TEX11: variants seen among roughly 807,000 people sequenced by gnomAD.
The protein encoded by TEX11 is testis-expressed protein 11.
Under a neutral mutation model 84.4 loss-of-function variants are expected in TEX11, and 7 were observed. That is an observed-to-expected ratio of 0.08 (90% CI 0.05 to 0.16). TEX11 has a LOEUF of 0.16. TEX11 is among the 10% of genes least tolerant of loss of function. The pLI is 1.00. For synonymous variants in TEX11, 264 were observed against 222.8 expected, an observed-to-expected ratio of 1.18 and a Z score of -1.64; for missense variants, 551 against 660.5, an observed-to-expected ratio of 0.83 and a Z score of 1.82.
chrX:70,521,301 CA>C, the TEX11 span, among the ~76,000 whole-genome samples: 1 of 108,353 alleles, frequency 9.2e-6, no homozygotes. Flanking sequence ...CTTTTTGAAA[CA>C]AAGTCTCACT....
At chrX:70,756,123 C>T (rs60235783) in intron 9 of TEX11, among the ~76,000 whole-genome samples, 3 of 112,111 alleles carry the variant, frequency 2.7e-5, no homozygotes, top group African/African-American at 3.2e-5. Context: ...TCGAACTGGG[C>T]GGAGCCCACT....
intron 13 of TEX11, among the ~76,000 whole-genome samples, chrX:70,683,250 G>T (rs1440354332): frequency 3.6e-5 from 4 of 112,110 alleles, no homozygotes; most frequent in Non-Finnish European, 7.5e-5. Flanking sequence ...ATTTAAAAAT[G>T]TAAACAGTTC....
chrX:70,679,526 G>C (rs1477454370), intron 14 of TEX11, among the ~76,000 whole-genome samples: 2 of 111,306 alleles, frequency 1.8e-5, no homozygotes, highest in Non-Finnish European at 3.8e-5. Flanking sequence ...TCCCATCTGG[G>C]AAGTGAGGAG....
intron 7 of TEX11, among the ~76,000 whole-genome samples, chrX:70,847,957 A>T (rs1445372307): frequency 8.9e-6 from 1 of 111,973 alleles, no homozygotes; most frequent in African/African-American, 3.2e-5. Flanking sequence ...TCAATGGTTC[A>T]AGTCCTTCTC....
intron 13 of TEX11, among the ~76,000 whole-genome samples, chrX:70,695,587 A>G (rs1474907604): frequency 8.9e-6 from 1 of 111,995 alleles, no homozygotes; most frequent in African/African-American, 3.2e-5. Flanking sequence ...CTTATTGTAC[A>G]CTTATTCCAA....
intron 25 of TEX11, among the ~76,000 whole-genome samples, chrX:70,582,997 C>T (rs778860099): frequency 9.0e-6 from 1 of 110,558 alleles, no homozygotes; most frequent in Admixed American, 9.7e-5. Context: ...CCACCCACCT[C>T]GGCCTTCCAA....
At chrX:70,646,522 T>G (rs1331155974) in intron 17 of TEX11, among the ~76,000 whole-genome samples, 1 of 111,775 alleles carries the variant, frequency 8.9e-6, no homozygotes, top group African/African-American at 3.2e-5. Flanking sequence ...ATTCAAACAA[T>G]TCAATAGGAA....
At chrX:70,698,971 T>A (rs2090304131) in intron 13 of TEX11, among the ~76,000 whole-genome samples, 1 of 111,835 alleles carries the variant, frequency 8.9e-6, no homozygotes, top group Non-Finnish European at 1.9e-5. Context: ...TCCCCTTGAA[T>A]CTAGACTGGC....
chrX:70,807,295 T>TAA (rs1199036087), intron 8 of TEX11, among the ~76,000 whole-genome samples: 1 of 111,784 alleles, frequency 8.9e-6, no homozygotes, highest in Non-Finnish European at 1.9e-5. Flanking sequence ...TCTGAAGTTC[T>TAA]AAAATGTGTC....
At chrX:70,715,220 T>G (rs760807531) in intron 13 of TEX11, among the ~76,000 whole-genome samples, 1,046 of 102,747 alleles carry the variant, frequency 0.01, 50 homozygotes, top group African/African-American at 0.038. Context: ...CTGGCTTCAC[T>G]TAACATTTTT....
At chrX:70,839,266 C>A (rs1018598292) in intron 7 of TEX11, among the ~76,000 whole-genome samples, 2 of 111,597 alleles carry the variant, frequency 1.8e-5, no homozygotes, top group African/African-American at 6.5e-5. Flanking sequence ...ACACCTCACA[C>A]GGCCGGGTAC....
At chrX:70,785,345 G>A (rs1429257136) in intron 9 of TEX11, among the ~76,000 whole-genome samples, 22 of 111,167 alleles carry the variant, frequency 2.0e-4, no homozygotes, top group Admixed American at 1.7e-3. Flanking sequence ...TTAAATGTTA[G>A]ACCTGAAACC....
At chrX:70,555,750 T>G (rs1214412259) in intron 25 of TEX11, among the ~76,000 whole-genome samples, 3 of 112,217 alleles carry the variant, frequency 2.7e-5, no homozygotes, top group African/African-American at 9.7e-5. Flanking sequence ...TTACATCTTC[T>G]TTAAATGTTA....
chrX:70,578,026 C>A (rs1342919665), intron 25 of TEX11, among the ~76,000 whole-genome samples: 1 of 111,681 alleles, frequency 9.0e-6, no homozygotes, highest in Non-Finnish European at 1.9e-5. Flanking sequence ...CCACACCCAG[C>A]CAAGGTTATA....
At chrX:70,840,974 A>G (rs1273694844) in intron 7 of TEX11, among the ~76,000 whole-genome samples, 1 of 110,999 alleles carries the variant, frequency 9.0e-6, no homozygotes. Context: ...ACCCAGATTC[A>G]TAAAGCAAGT....
chrX:70,870,739 G>A (rs777175928), intron 4 of TEX11, among the ~76,000 whole-genome samples: 3 of 111,787 alleles, frequency 2.7e-5, no homozygotes, highest in Non-Finnish European at 5.6e-5. Flanking sequence ...TCACTACTTT[G>A]TTCTTCTCTC....
chrX:70,533,868 C>A (rs777368246), intron 28 of TEX11, among the ~76,000 whole-genome samples: 1 of 109,924 alleles, frequency 9.1e-6, no homozygotes, highest in Non-Finnish European at 1.9e-5. Flanking sequence ...CCGAGGTGGG[C>A]GGATCACGAG....
At chrX:70,899,327 A>G (rs1326916972) in intron 2 of TEX11, among the ~76,000 whole-genome samples, 1 of 111,624 alleles carries the variant, frequency 9.0e-6, no homozygotes, top group African/African-American at 3.2e-5. Context: ...AAGAAAGTAA[A>G]ATATCTCAGC....
rs188837965 is a variant in TEX11, at chrX:70,878,571, T to C, written c.159+1417A>G. On this transcript the variant is annotated intron_variant, in intron 3 of 29. Coordinates refer to ENST00000374333, the MANE Select transcript of TEX11 (RefSeq NM_031276.3). ...AACCAACATGGCACATGTATACATA[T>C]GTAACAAACCTGCCCGTTGTGCACA... Among the ~76,000 whole-genome samples the C allele has an allele frequency of 1.9e-3, 211 of 108,719 alleles. 3 individuals carry two copies. In the East Asian group the frequency reaches 0.052, roughly 27 times the overall value. The allele number at this position is 108,719 out of a possible 115,157, so 94.4% of individuals were successfully genotyped here.
Sources: allele counts gnomAD v4.1 joint callset (sites outside exome capture counted in the v4.1 genomes callset), GRCh38; gene constraint gnomAD v4.1.1; transcripts MANE v1.5; gene names NCBI Gene and HGNC (gene_info 2026-07-23, HGNC 2026-07-21).